SKIC2: variants seen among roughly 807,000 people sequenced by gnomAD.
The protein encoded by SKIC2 is SKI2 subunit of superkiller complex, also known as superkiller complex protein 2.
chr6:31,961,664 C>A, the SKIC2 span: 1 of 1,612,272 alleles, frequency 6.2e-7, no homozygotes, highest in Non-Finnish European at 8.5e-7. Context: ...CATTCCCCAG[C>A]CAGCCTTCCA....
At chr6:31,961,195 G>A in the SKIC2 span, 1 of 1,614,136 alleles carries the variant, frequency 6.2e-7, no homozygotes, top group Non-Finnish European at 8.5e-7. Context: ...TTGCTCCTCA[G>A]ATTGTCCAAC....
the SKIC2 span, chr6:31,963,044 T>C: frequency 3.1e-6 from 5 of 1,612,830 alleles, no homozygotes; most frequent in Admixed American, 8.3e-5. This position sits in a 1 kb window ranked among gnomAD's most constrained non-coding sequence, Gnocchi z 5.3. Flanking sequence ...CTATCATCCT[T>C]CTGAGTGCCA....
chr6:31,966,186 T>C, the SKIC2 span, among the ~76,000 whole-genome samples: 5 of 152,198 alleles, frequency 3.3e-5, 1 homozygote, highest in South Asian at 1.0e-3. The surrounding 1 kb of genome is among the most constrained non-coding windows in gnomAD (Gnocchi z 5.9). Flanking sequence ...ACCTCTGCCT[T>C]CCAGGCTCAA....
chr6:31,966,773 G>A, the SKIC2 span: 3 of 1,614,154 alleles, frequency 1.9e-6, no homozygotes, highest in Admixed American at 3.3e-5. The surrounding 1 kb of genome is among the most constrained non-coding windows in gnomAD (Gnocchi z 5.9). Flanking sequence ...AACTTGCTGC[G>A]AGTGGATGCC....
At chr6:31,962,832 C>A in the SKIC2 span, 1 of 1,512,266 alleles carries the variant, frequency 6.6e-7, no homozygotes, top group Non-Finnish European at 9.2e-7. The surrounding 1 kb of genome is among the most constrained non-coding windows in gnomAD (Gnocchi z 5.0). Flanking sequence ...ACCCGGCAGT[C>A]CTCTCCTTTG....
chr6:31,963,279 A>G, the SKIC2 span: 1 of 894,088 alleles, frequency 1.1e-6, no homozygotes, highest in Non-Finnish European at 1.7e-6. This position sits in a 1 kb window ranked among gnomAD's most constrained non-coding sequence, Gnocchi z 5.3. Flanking sequence ...AAATGGGATG[A>G]GATGTTGGGG....
the SKIC2 span, chr6:31,961,723 C>T: frequency 6.3e-7 from 1 of 1,591,116 alleles, no homozygotes; most frequent in East Asian, 2.2e-5. Flanking sequence ...TTCTGGGTCA[C>T]ACTCCCAGCC....
the SKIC2 span, chr6:31,962,181 C>T: frequency 4.9e-6 from 5 of 1,019,404 alleles, no homozygotes; most frequent in East Asian, 1.2e-4. This position sits in a 1 kb window ranked among gnomAD's most constrained non-coding sequence, Gnocchi z 5.0. Context: ...AGGGCTAAGA[C>T]TGAGACAAGA....
the SKIC2 span, chr6:31,960,652 CT>C: frequency 6.3e-7 from 1 of 1,590,924 alleles, no homozygotes; most frequent in Non-Finnish European, 8.6e-7. Flanking sequence ...CCTGTCTGTC[CT>C]GTCTCTTCCC....
At chr6:31,961,006 G>A in the SKIC2 span, 4 of 1,453,368 alleles carry the variant, frequency 2.8e-6, no homozygotes, top group Non-Finnish European at 3.9e-6. Flanking sequence ...GTTCACCAGT[G>A]TGCAGTGACC....
the SKIC2 span, chr6:31,969,138 C>T: frequency 6.4e-7 from 1 of 1,573,332 alleles, no homozygotes; most frequent in South Asian, 1.1e-5. This position sits in a 1 kb window ranked among gnomAD's most constrained non-coding sequence, Gnocchi z 6.1. Context: ...GCATTCCTGA[C>T]CTTCACCTTC....
At chr6:31,968,915 G>T in the SKIC2 span, 1 of 1,613,036 alleles carries the variant, frequency 6.2e-7, no homozygotes, top group Non-Finnish European at 8.5e-7. This position sits in a 1 kb window ranked among gnomAD's most constrained non-coding sequence, Gnocchi z 6.1. Context: ...GCACTGTGAA[G>T]CTGGCAGGGC....
the SKIC2 span, chr6:31,963,296 C>T: frequency 2.0e-6 from 2 of 1,010,004 alleles, no homozygotes; most frequent in African/African-American, 1.6e-5. The surrounding 1 kb of genome is among the most constrained non-coding windows in gnomAD (Gnocchi z 5.3). Context: ...GGGGGATAGC[C>T]TTCCATTCTG....
the SKIC2 span, chr6:31,967,507 CCT>C: frequency 0.14 from 113,217 of 793,906 alleles, 10,229 homozygotes; most frequent in African/African-American, 0.34. This position sits in a 1 kb window ranked among gnomAD's most constrained non-coding sequence, Gnocchi z 4.9. Context: ...TCCTTTTCAC[CCT>C]CTCCCTTCCC....
At chr6:31,963,714 A>G in the SKIC2 span, 1 of 1,548,320 alleles carries the variant, frequency 6.5e-7, no homozygotes, top group African/African-American at 1.4e-5. The surrounding 1 kb of genome is among the most constrained non-coding windows in gnomAD (Gnocchi z 5.3). Context: ...CAGCCCACAC[A>G]TCAGGGGGGC....
the SKIC2 span, among the ~76,000 whole-genome samples, chr6:31,964,621 A>G: frequency 2.0e-5 from 3 of 152,262 alleles, no homozygotes; most frequent in Admixed American, 6.5e-5. This position sits in a 1 kb window ranked among gnomAD's most constrained non-coding sequence, Gnocchi z 5.0. Context: ...CCAGGAAGCT[A>G]GCAAGCATTC....
At chr6:31,962,103 C>T in the SKIC2 span, 7 of 1,589,980 alleles carry the variant, frequency 4.4e-6, no homozygotes, top group South Asian at 1.1e-5. This position sits in a 1 kb window ranked among gnomAD's most constrained non-coding sequence, Gnocchi z 5.0. Flanking sequence ...GCCCCATTTT[C>T]TCCTGCATCC....
the SKIC2 span, chr6:31,963,429 C>G: frequency 6.3e-7 from 1 of 1,586,070 alleles, no homozygotes. This position sits in a 1 kb window ranked among gnomAD's most constrained non-coding sequence, Gnocchi z 5.3. Context: ...GAAGCGTCGT[C>G]AGATCTATGT....
chr6:31,968,653 G>T, the SKIC2 span: 9 of 1,582,914 alleles, frequency 5.7e-6, no homozygotes, highest in Non-Finnish European at 7.8e-6. This position sits in a 1 kb window ranked among gnomAD's most constrained non-coding sequence, Gnocchi z 6.1. Context: ...CTGCTAAGGG[G>T]CAAGGAGAAG....
Sources: allele counts gnomAD v4.1 joint callset (sites outside exome capture counted in the v4.1 genomes callset), GRCh38; gene constraint gnomAD v4.1.1; non-coding constraint Gnocchi (gnomAD v3.1); transcripts MANE v1.5; gene names NCBI Gene and HGNC (gene_info 2026-07-23, HGNC 2026-07-21).